PLVAP: variants seen among roughly 807,000 people sequenced by gnomAD.
PLVAP encodes the protein plasmalemma vesicle associated protein.
A neutral mutation model predicts 43.1 loss-of-function variants in PLVAP; 34 were observed. The ratio of observed to expected loss-of-function variants is 0.79; its 90% CI spans 0.60 to 1.05. The LOEUF (loss-of-function observed/expected upper bound fraction) is 1.05, where lower values mean the gene tolerates loss of function less well. Among genes scored for constraint, PLVAP ranks in the 50% least tolerant of loss-of-function variants. The pLI is 0.00. For synonymous variants in PLVAP, 241 were observed against 237.3 expected, an observed-to-expected ratio of 1.02 and a Z score of -0.14; for missense variants, 574 against 593.4, an observed-to-expected ratio of 0.97 and a Z score of 0.34.
intron 1 of PLVAP, among the ~76,000 whole-genome samples, chr19:17,375,009 A>G (rs1472129477): frequency 2.0e-5 from 3 of 152,068 alleles, no homozygotes; most frequent in Non-Finnish European, 4.4e-5. Flanking sequence ...TTTAGTACAG[A>G]CGGGGTTTCA....
At chr19:17,355,531 T>TC (rs930871693) in intron 5 of PLVAP, among the ~76,000 whole-genome samples, 1 of 143,418 alleles carries the variant, frequency 7.0e-6, no homozygotes, top group East Asian at 2.1e-4. Flanking sequence ...CCTGGTTAAT[T>TC]TTTTTTTTTT....
At chr19:17,369,980 G>C (rs1377778676) in intron 1 of PLVAP, among the ~76,000 whole-genome samples, 3 of 141,816 alleles carry the variant, frequency 2.1e-5, no homozygotes, top group South Asian at 2.2e-4. Flanking sequence ...TCCAGCCTGG[G>C]TGACAGAGCG....
intron 5 of PLVAP, among the ~76,000 whole-genome samples, chr19:17,360,135 C>T (rs925230656): frequency 6.6e-6 from 1 of 152,192 alleles, no homozygotes; most frequent in Admixed American, 6.5e-5. Flanking sequence ...AGGGCATGCC[C>T]TCTCTGTGCC....
chr19:17,367,690 T>C (rs1024328485), intron 1 of PLVAP, among the ~76,000 whole-genome samples: 26 of 151,932 alleles, frequency 1.7e-4, no homozygotes, highest in African/African-American at 5.6e-4. Context: ...TGCCCAGCCT[T>C]AAATTTGTTT....
Position 17,352,876 on chromosome 19 carries a change from C to T in PLVAP, c.1323-508G>A, listed in dbSNP as rs1341603045. 3.3e-5 allele frequency among the ~76,000 whole-genome samples: 5 copies of T among 152,204 alleles called. 1 individual carries two copies. The highest frequency in any genetic ancestry group is 4.1e-4 in the South Asian group (2 of 4,836). On this transcript the variant is annotated intron_variant, in intron 5 of 5. Transcript: ENST00000252590. ...TCAGGAGAAAGTCCAAACCTTACAACGTGGCATTCAGGGCTCCACCCCTCT... is the reference window on the plus strand; with the variant it reads ...TCAGGAGAAAGTCCAAACCTTACAATGTGGCATTCAGGGCTCCACCCCTCT...
chr19:17,365,361 C>T lies in PLVAP; in HGVS notation c.1104G>A (p.Lys368=). 1 of 1,613,506 alleles carries T rather than the reference C, an allele frequency of 6.2e-7. No homozygotes were observed. Among genetic ancestry groups the T allele is most frequent in the Non-Finnish European group, 8.5e-7 (1 of 1,180,032 alleles). Residue 368 remains lysine, a synonymous_variant, in exon 3 of 6, where the codon AAG becomes AAA. Transcript: ENST00000252590. ...RDNLAKELEE[K]KREAEQLRME... ...TCCTGAGCTGCTCCGCCTCCCTCTT[C>T]TTCTCTTCCAGCTCCTTGGCCAGGT...
chr19:17,373,090 A>AAAAG (rs1568377466), intron 1 of PLVAP, among the ~76,000 whole-genome samples: 6 of 125,846 alleles, frequency 4.8e-5, no homozygotes, highest in African/African-American at 9.3e-5. Context: ...AAAAAAAAAA[A>AAAAG]AAAGAAAGAA....
chr19:17,356,948 A>T (rs2074509026), intron 5 of PLVAP, among the ~76,000 whole-genome samples: 2 of 150,630 alleles, frequency 1.3e-5, no homozygotes, highest in South Asian at 4.2e-4. Context: ...AACGAGAGAG[A>T]AACTCCGTCT....
rs776744043 is a variant in PLVAP, at chr19:17,376,967, C to T, written c.322G>A (p.Asp108Asn). The stretch of plus-strand genomic sequence containing the variant: ...AAGCTGGCATTGATGCGGTCCAGGT[C>T]GCGGCGAGCATTCAGCCACATCTGC... ...IMQMWLNARR[D>N]LDRINASFRQ... is the part of the protein sequence containing the mutation. Residue 108 changes from aspartate (D) to asparagine (N), a missense_variant, in exon 1 of 6, where the codon GAC becomes AAC. By Grantham distance (23) the Asp-to-Asn change is conservative (BLOSUM62 1). Coordinates refer to ENST00000252590, the MANE Select transcript of PLVAP (RefSeq NM_031310.3). 6 of 1,613,910 alleles carry T rather than the reference C, an allele frequency of 3.7e-6. No individual in the cohort carries two copies. Among genetic ancestry groups the T allele is most frequent in the South Asian group, 2.2e-5 (2 of 91,074 alleles).
intron 1 of PLVAP, among the ~76,000 whole-genome samples, chr19:17,369,339 C>G (rs1431847150): frequency 6.6e-6 from 1 of 151,078 alleles, no homozygotes; most frequent in Non-Finnish European, 1.5e-5. Context: ...GTGTGCACCA[C>G]CATACCTGGC....
At chr19:17,356,354 C>G (rs1255097539) in intron 5 of PLVAP, among the ~76,000 whole-genome samples, 1 of 152,092 alleles carries the variant, frequency 6.6e-6, no homozygotes, top group Non-Finnish European at 1.5e-5. Flanking sequence ...AGACCTCACG[C>G]CGAAGCCCAG....
intron 1 of PLVAP, among the ~76,000 whole-genome samples, chr19:17,373,355 G>A (rs1293388480): frequency 1.3e-5 from 2 of 152,150 alleles, no homozygotes; most frequent in Admixed American, 1.3e-4. Flanking sequence ...CTCTGGGCGA[G>A]GGGTTGAGGT....
intron 1 of PLVAP, among the ~76,000 whole-genome samples, chr19:17,375,588 C>T (rs1177132166): frequency 6.6e-6 from 1 of 151,240 alleles, no homozygotes; most frequent in African/African-American, 2.4e-5. Context: ...AAAAAGTTAG[C>T]CAGGGCACCA....
chr19:17,377,029 T>C lies in PLVAP; in HGVS notation c.260A>G (p.Glu87Gly). The change falls in exon 1 of 6, where the codon GAG becomes GGG. Residue 87 changes from glutamate to glycine, a missense_variant. Transcript: ENST00000252590. ...LTASQSNLTKELNFTTRAKDA... is the reference protein window; with the variant it reads ...LTASQSNLTKGLNFTTRAKDA... The stretch of plus-strand genomic sequence containing the variant: ...CTTGGCGCGGGTGGTGAAGTTGAGC[T>C]CCTTGGTCAAGTTGGACTGGGAGGC... 2 of 1,614,040 alleles carry C rather than the reference T, an allele frequency of 1.2e-6. No homozygotes were observed. The highest frequency in any genetic ancestry group is 1.1e-5 in the South Asian group (1 of 91,068).
chr19:17,360,605 T>A lies in PLVAP; in HGVS notation c.1245A>T (p.Pro415=). ...TCCTCTTGAACTCCTCCAGGCTAGC[T>A]GGGTCTGTGGAGGGAGAGAGGTGAG... ...GPVPNPQPID[P]ASLEEFKRKI... is the part of the protein sequence containing the mutation. The change falls in exon 5 of 6, where the codon CCA becomes CCT. Residue 415 remains proline (P), a synonymous_variant. Coordinates refer to ENST00000252590, the MANE Select transcript of PLVAP (RefSeq NM_031310.3). The A allele has an allele frequency of 6.2e-7, 1 of 1,612,378 alleles. No individual in the cohort carries two copies. The highest frequency in any genetic ancestry group is 8.5e-7 in the Non-Finnish European group (1 of 1,179,160).
Position 17,373,065 on chromosome 19 carries a change from C to CAAAAAAA in PLVAP, c.369+3848_369+3854dup, listed in dbSNP as rs59152541. 8.1e-4 allele frequency among the ~76,000 whole-genome samples: 37 copies of CAAAAAAA among 45,676 alleles called. 1 individual carries two copies. The highest frequency in any genetic ancestry group is 1.2e-3 in the Non-Finnish European group (30 of 25,546). 30.0% of individuals were successfully genotyped at this position (45,676 alleles called of 152,430 possible). A position where few individuals can be genotyped will look rare whatever the true frequency, so the allele number is the denominator to read the frequency against. On this transcript the variant is annotated intron_variant, in intron 1 of 5. Coordinates refer to ENST00000252590, the MANE Select transcript of PLVAP (RefSeq NM_031310.3). Reference sequence around the variant, plus strand: ...TTGGCGACAGAGCTAGACTCTGTCTCAAAAAAAAAAAAAAAAAAAAAAAAA... The same window carrying CAAAAAAA: ...TTGGCGACAGAGCTAGACTCTGTCTCAAAAAAAAAAAAAAAAAAAAAAAAAAAAAAAA...
chr19:17,373,786 C>T (rs2074583948), intron 1 of PLVAP, among the ~76,000 whole-genome samples: 1 of 152,050 alleles, frequency 6.6e-6, no homozygotes, highest in East Asian at 1.9e-4. Flanking sequence ...TGTGACTTTG[C>T]CCAGAGAGCC....
chr19:17,374,910 C>G (rs901533894), intron 1 of PLVAP, among the ~76,000 whole-genome samples: 1 of 150,012 alleles, frequency 6.7e-6, no homozygotes, highest in African/African-American at 2.5e-5. Flanking sequence ...TCTCTGCCTC[C>G]CAGGTTCAAG....
rs185466866 is a variant in PLVAP, at chr19:17,352,729, A to C, written c.1323-361T>G. Among the ~76,000 whole-genome samples the C allele has an allele frequency of 3.1e-3, 478 of 152,168 alleles. 1 individual carries two copies. The highest frequency in any genetic ancestry group is 3.8e-3 in the Non-Finnish European group (260 of 67,990). ...CAGTGCCTCCCAACATTCTGGGGAT[A>C]CTGAGAATTTACCCCAAAGCCTCTG... On this transcript the variant is annotated intron_variant, in intron 5 of 5. Coordinates refer to ENST00000252590, the MANE Select transcript of PLVAP (RefSeq NM_031310.3).
Sources: allele counts gnomAD v4.1 joint callset (sites outside exome capture counted in the v4.1 genomes callset), GRCh38; gene constraint gnomAD v4.1.1; transcripts MANE v1.5; gene names NCBI Gene and HGNC (gene_info 2026-07-23, HGNC 2026-07-21).